Variants in GNAI1 observed in about 807,000 individuals in gnomAD.
GNAI1 encodes the protein guanine nucleotide-binding protein G(i) subunit alpha-1.
Under a neutral mutation model 38.9 loss-of-function variants are expected in GNAI1, and 11 were observed. The ratio of observed to expected loss-of-function variants is 0.28; its 90% confidence interval spans 0.18 to 0.47. The LOEUF (loss-of-function observed/expected upper bound fraction) is 0.47. Ranked by LOEUF, GNAI1 falls within the 20% of genes least tolerant of loss-of-function variation. The pLI is 0.99. For missense variants in GNAI1, 317 were observed against 436.9 expected, an observed-to-expected ratio of 0.73 and a Z score of 2.45; for synonymous variants, 166 against 145.1, an observed-to-expected ratio of 1.14 and a Z score of -1.04.
chr7:80,190,815 G>A (rs1004227506), intron 3 of GNAI1, among the ~76,000 whole-genome samples: 3 of 152,070 alleles, frequency 2.0e-5, no homozygotes, highest in African/African-American at 7.2e-5. Flanking sequence ...ATCATGAAGG[G>A]TCAATACAAA....
chr7:80,136,193 GA>G (rs1391320828), intron 1 of GNAI1: 15 of 250,480 alleles, frequency 6.0e-5, no homozygotes, highest in Non-Finnish European at 9.5e-5. Flanking sequence ...TTCACTGAGG[GA>G]AGCATTAGGA....
chr7:80,199,302 A>C lies in GNAI1; in HGVS notation c.381A>C (p.Ile127=). The C allele has an allele frequency of 2.5e-6, 4 of 1,613,474 alleles. No individual in the cohort carries two copies. Among genetic ancestry groups the C allele is most frequent in the Non-Finnish European group, 3.4e-6 (4 of 1,179,494 alleles). Residue 127 remains isoleucine (I), a synonymous_variant, in exon 4 of 8, where the codon ATA becomes ATC. Coordinates refer to ENST00000649796, the MANE Select transcript of GNAI1 (RefSeq NM_002069.6). ...TGACTGCAGAACTTGCTGGAGTTAT[A>C]AAGAGATTGTGGAAAGATAGTGGTG... The part of the protein sequence containing the change: ...GFMTAELAGV[I]KRLWKDSGVQ...
At chr7:80,186,543 C>G (rs1011893733) in intron 1 of GNAI1, among the ~76,000 whole-genome samples, 7 of 152,220 alleles carry the variant, frequency 4.6e-5, no homozygotes, top group Admixed American at 2.6e-4. Context: ...CATAGTTCAA[C>G]TGGAAAAATC....
At chr7:80,152,785 G>A (rs559464864) in intron 1 of GNAI1, among the ~76,000 whole-genome samples, 9 of 149,496 alleles carry the variant, frequency 6.0e-5, no homozygotes, top group Middle Eastern at 3.2e-3. Flanking sequence ...GGATGGTCTC[G>A]ATCTCCTGAT....
intron 1 of GNAI1, among the ~76,000 whole-genome samples, chr7:80,176,961 A>T (rs1293177692): frequency 6.9e-6 from 1 of 145,878 alleles, no homozygotes; most frequent in Non-Finnish European, 1.5e-5. Flanking sequence ...AAAAAAAATT[A>T]TACTAAGTCT....
intron 3 of GNAI1, among the ~76,000 whole-genome samples, chr7:80,189,896 T>C (rs570869648): frequency 6.6e-6 from 1 of 152,302 alleles, no homozygotes; most frequent in South Asian, 2.1e-4. Flanking sequence ...CTTGTTTCAG[T>C]TGGATTGGAA....
At chr7:80,197,341 A>T (rs986818867) in intron 3 of GNAI1, among the ~76,000 whole-genome samples, 1 of 151,876 alleles carries the variant, frequency 6.6e-6, no homozygotes, top group Admixed American at 6.6e-5. Context: ...ACAGCTTCCA[A>T]AGTTTCTTAA....
chr7:80,184,986 C>T (rs1164761789), intron 1 of GNAI1, among the ~76,000 whole-genome samples: 2 of 152,126 alleles, frequency 1.3e-5, no homozygotes, highest in South Asian at 2.1e-4. Context: ...CAAATGGTCA[C>T]GCACTTTGAT....
At chr7:80,213,712 A>C (rs936363889) in intron 7 of GNAI1, among the ~76,000 whole-genome samples, 1 of 152,060 alleles carries the variant, frequency 6.6e-6, no homozygotes, top group Non-Finnish European at 1.5e-5. Flanking sequence ...TATTGAGTAA[A>C]GTTTTACTTT....
At chr7:80,198,063 TTTTG>T (rs976428530) in intron 3 of GNAI1, among the ~76,000 whole-genome samples, 2 of 151,962 alleles carry the variant, frequency 1.3e-5, no homozygotes, top group South Asian at 2.1e-4. Context: ...TATCTGGGTT[TTTTG>T]TTTGTTTATT....
chr7:80,135,249 C>A lies in GNAI1; in HGVS notation c.89C>A (p.Ala30Glu). 1.3e-6 allele frequency: 2 copies of A among 1,528,124 alleles called. No homozygotes were observed. The highest frequency in any genetic ancestry group is 2.7e-5 in the East Asian group (1 of 37,586). 94.7% of individuals were successfully genotyped at this position (1,528,124 alleles called of 1,614,324 possible). A position where few individuals can be genotyped will look rare whatever the true frequency, so the allele number is the denominator to read the frequency against. Reference sequence around the variant, plus strand: ...AACCTCCGTGAGGACGGCGAGAAGGCGGCGCGCGAGGTCAAGCTGCTGCTG... The same window carrying A: ...AACCTCCGTGAGGACGGCGAGAAGGAGGCGCGCGAGGTCAAGCTGCTGCTG... ...DRNLREDGEK[A>E]AREVKLLLLG... Residue 30 changes from alanine to glutamate, a missense_variant, in exon 1 of 8, where the codon GCG becomes GAG. Transcript: ENST00000649796.
intron 3 of GNAI1, among the ~76,000 whole-genome samples, chr7:80,189,915 A>G (rs1020417431): frequency 2.6e-5 from 4 of 152,056 alleles, no homozygotes; most frequent in African/African-American, 2.4e-5. Flanking sequence ...AAGCAGCCCA[A>G]TCCAATCCGT....
intron 4 of GNAI1, among the ~76,000 whole-genome samples, chr7:80,200,456 G>A (rs1168029604): frequency 1.3e-5 from 2 of 150,414 alleles, no homozygotes; most frequent in African/African-American, 4.9e-5. Flanking sequence ...GATATGTATT[G>A]CTCTTAAAAC....
intron 7 of GNAI1, among the ~76,000 whole-genome samples, chr7:80,216,564 G>A (rs937378870): frequency 1.3e-5 from 2 of 152,100 alleles, no homozygotes; most frequent in African/African-American, 4.8e-5. Context: ...AGTACACTTA[G>A]GAGATTAATT....
intron 5 of GNAI1, among the ~76,000 whole-genome samples, chr7:80,210,431 G>C (rs914564043): frequency 4.0e-5 from 6 of 151,836 alleles, no homozygotes; most frequent in Admixed American, 3.9e-4. Flanking sequence ...AATTTCATTT[G>C]CTTGCCCTAC....
At chr7:80,169,536 T>G (rs1461018580) in intron 1 of GNAI1, among the ~76,000 whole-genome samples, 1 of 152,182 alleles carries the variant, frequency 6.6e-6, no homozygotes, top group Non-Finnish European at 1.5e-5. Context: ...CAGTTTGCTC[T>G]TAGCAAGTAA....
intron 1 of GNAI1, among the ~76,000 whole-genome samples, chr7:80,149,435 C>T (rs1787686714): frequency 6.6e-6 from 1 of 151,984 alleles, no homozygotes. Context: ...CCTAAATGGT[C>T]CAGTTTCTAT....
At chr7:80,159,997 G>A (rs1378494974) in intron 1 of GNAI1, among the ~76,000 whole-genome samples, 1 of 152,134 alleles carries the variant, frequency 6.6e-6, no homozygotes, top group Non-Finnish European at 1.5e-5. Context: ...TGAGTTGGTT[G>A]TATCACTTAT....
chr7:80,203,673 T>C, intron 4 of GNAI1, 31 bp from the exon 5 acceptor site: 2 of 1,449,376 alleles, frequency 1.4e-6, no homozygotes, highest in Non-Finnish European at 1.9e-6. Flanking sequence ...ATATTTACCA[T>C]TAACATGTTG....
Sources: allele counts gnomAD v4.1 joint callset (sites outside exome capture counted in the v4.1 genomes callset), GRCh38; gene constraint gnomAD v4.1.1; transcripts MANE v1.5; gene names NCBI Gene and HGNC (gene_info 2026-07-23, HGNC 2026-07-21).